The following LRTM3 variants were observed in gnomAD, a reference collection of about 807,000 sequenced individuals.
LRTM3 encodes the protein leucine rich repeat transmembrane protein 3.
At chr13:102,745,777 T>C in the LRTM3 span, 10 of 1,551,190 alleles carry the variant, frequency 6.4e-6, no homozygotes, top group East Asian at 2.2e-4. Context: ...CAACCTTTGC[T>C]TCCCCAGACT....
chr13:102,735,312 C>T, the LRTM3 span: 1 of 1,551,226 alleles, frequency 6.4e-7, no homozygotes, highest in Non-Finnish European at 8.7e-7. Flanking sequence ...TGCTTTACAT[C>T]ACTTGAAAGT....
the LRTM3 span, chr13:102,730,704 G>T: frequency 6.4e-7 from 1 of 1,551,958 alleles, no homozygotes; most frequent in Non-Finnish European, 8.7e-7. Context: ...TCAATGGAAA[G>T]ACTACCACTT....
chr13:102,739,576 C>G, the LRTM3 span: 6 of 1,550,072 alleles, frequency 3.9e-6, no homozygotes, highest in Non-Finnish European at 5.2e-6. Flanking sequence ...GCATCTTGCC[C>G]TCTTGTTTTA....
At chr13:102,738,087 C>G in the LRTM3 span, 1 of 1,550,884 alleles carries the variant, frequency 6.4e-7, no homozygotes, top group African/African-American at 1.4e-5. Flanking sequence ...TCCTCTTTCC[C>G]TTGCTCCTGA....
chr13:102,750,072 A>C, the LRTM3 span: 1 of 1,550,484 alleles, frequency 6.4e-7, no homozygotes, highest in East Asian at 2.4e-5. Context: ...GAAAATCCTG[A>C]ATTTTTGTTT....
At chr13:102,749,602 AT>A in the LRTM3 span, 1 of 1,551,434 alleles carries the variant, frequency 6.4e-7, no homozygotes, top group Non-Finnish European at 8.7e-7. Context: ...GTTGGTTCCT[AT>A]CCAGATCTTG....
the LRTM3 span, chr13:102,737,503 G>C: frequency 6.5e-7 from 1 of 1,549,300 alleles, no homozygotes. Context: ...CTCCATCCCT[G>C]TTCCCTTGCT....
the LRTM3 span, chr13:102,733,121 C>T: frequency 6.4e-7 from 1 of 1,551,448 alleles, no homozygotes; most frequent in South Asian, 1.2e-5. Flanking sequence ...CTGCTTTCCA[C>T]TTTGAAGGGG....
the LRTM3 span, chr13:102,732,964 T>C: frequency 1.3e-6 from 2 of 1,551,302 alleles, no homozygotes; most frequent in Non-Finnish European, 1.7e-6. Context: ...CCAGAACACC[T>C]TCCTCTTGTT....
At chr13:102,748,633 T>C in the LRTM3 span, 19 of 1,550,526 alleles carry the variant, frequency 1.2e-5, no homozygotes, top group Admixed American at 2.0e-5. Flanking sequence ...CTTCTAAAGA[T>C]GTCTTGTGCT....
chr13:102,746,431 C>T, the LRTM3 span: 1 of 1,551,140 alleles, frequency 6.4e-7, no homozygotes, highest in East Asian at 2.4e-5. Context: ...ACTCTCTCTG[C>T]AATCTGCTAT....
At chr13:102,732,692 G>A in the LRTM3 span, 1 of 1,551,146 alleles carries the variant, frequency 6.4e-7, no homozygotes, top group Non-Finnish European at 8.7e-7. Context: ...ACTACTGCTT[G>A]TGTCCATTCT....
chr13:102,744,204 G>T, the LRTM3 span: 2 of 1,550,420 alleles, frequency 1.3e-6, no homozygotes, highest in African/African-American at 1.4e-5. Context: ...TGCAAAATTC[G>T]TAGTTGCTTT....
At chr13:102,737,037 A>G in the LRTM3 span, 1 of 1,550,784 alleles carries the variant, frequency 6.4e-7, no homozygotes, top group South Asian at 1.2e-5. Context: ...ACATGTCTCA[A>G]TTTTTCTTTT....
At chr13:102,739,276 G>A in the LRTM3 span, 4 of 1,549,490 alleles carry the variant, frequency 2.6e-6, no homozygotes, top group Non-Finnish European at 3.5e-6. Context: ...TACATTTGAG[G>A]CCCATTACAT....
the LRTM3 span, chr13:102,732,089 A>T: frequency 6.4e-7 from 1 of 1,551,386 alleles, no homozygotes; most frequent in Admixed American, 2.0e-5. Context: ...ATCTTGTGGA[A>T]CTGTGTTTGT....
the LRTM3 span, chr13:102,731,835 T>C: frequency 6.5e-7 from 1 of 1,549,628 alleles, no homozygotes; most frequent in Non-Finnish European, 8.7e-7. Flanking sequence ...TTGGGTAACT[T>C]TGGATCTTCA....
At chr13:102,756,411 G>A in the LRTM3 span, among the ~76,000 whole-genome samples, 1 of 151,086 alleles carries the variant, frequency 6.6e-6, no homozygotes, top group African/African-American at 2.4e-5. Context: ...AGTGGCTCAC[G>A]ACTGTAATCC....
the LRTM3 span, chr13:102,744,395 G>C: frequency 1.4e-5 from 21 of 1,550,070 alleles, no homozygotes; most frequent in Non-Finnish European, 1.8e-5. Flanking sequence ...TTTCCTTCTA[G>C]GATTTTCATC....
Sources: gnomAD v4.1 joint callset for allele counts (sites outside exome capture counted in the v4.1 genomes callset) on GRCh38, gnomAD v4.1.1 for gene constraint, MANE v1.5 for transcripts, NCBI Gene and HGNC (gene_info 2026-07-23, HGNC 2026-07-21) for gene names.